Variants in SDK1 observed in about 807,000 individuals in gnomAD.
SDK1 encodes sidekick cell adhesion molecule 1, also known as protein sidekick-1.
A neutral mutation model predicts 245.5 loss-of-function variants in SDK1; 157 were observed. That is an observed-to-expected ratio of 0.64 (90% CI 0.56 to 0.73). The LOEUF (loss-of-function observed/expected upper bound fraction) is 0.73. Ranked by LOEUF, SDK1 falls within the 30% of genes least tolerant of loss-of-function variation. The pLI is 0.00. For synonymous variants in SDK1, 1,647 were observed against 1,278.5 expected (o/e 1.29, Z -6.15); for missense variants, 3,583 against 3,002.3 (o/e 1.19, Z -4.52).
intron 1 of SDK1, among the ~76,000 whole-genome samples, chr7:3,471,959 C>G (rs2128598755): frequency 6.6e-6 from 1 of 152,256 alleles, no homozygotes; most frequent in East Asian, 1.9e-4. Flanking sequence ...TTGTTCCTAA[C>G]CATAGTCACT....
At chr7:3,657,400 C>A (rs1783219518) in intron 4 of SDK1, among the ~76,000 whole-genome samples, 1 of 152,124 alleles carries the variant, frequency 6.6e-6, no homozygotes, top group African/African-American at 2.4e-5. Flanking sequence ...GCACAGCACA[C>A]CCTGCCGAGT....
At chr7:3,812,734 T>A (rs1351300477) in intron 4 of SDK1, among the ~76,000 whole-genome samples, 2 of 152,198 alleles carry the variant, frequency 1.3e-5, no homozygotes, top group Non-Finnish European at 1.5e-5. Flanking sequence ...TAACTTACCC[T>A]TTCCTGAAGA....
chr7:3,890,115 A>G (rs1206916896), intron 5 of SDK1, among the ~76,000 whole-genome samples: 2 of 152,214 alleles, frequency 1.3e-5, no homozygotes, highest in Admixed American at 1.3e-4. Context: ...ACATGGCCCT[A>G]GCTCAGAGTC....
intron 17 of SDK1, among the ~76,000 whole-genome samples, chr7:4,032,596 T>A (rs933158591): frequency 2.0e-5 from 3 of 146,554 alleles, no homozygotes; most frequent in African/African-American, 8.2e-5. Context: ...ATCTGGAAAC[T>A]ACTATGAGCA....
chr7:4,023,272 A>G (rs1042472424), intron 17 of SDK1, among the ~76,000 whole-genome samples: 2 of 152,044 alleles, frequency 1.3e-5, no homozygotes, highest in African/African-American at 4.8e-5. Context: ...GGCCAATCCC[A>G]TTTAATAGAT....
At chr7:3,670,663 C>T (rs1783671589) in intron 4 of SDK1, among the ~76,000 whole-genome samples, 1 of 152,172 alleles carries the variant, frequency 6.6e-6, no homozygotes, top group African/African-American at 2.4e-5. Flanking sequence ...CTTCTTGTCT[C>T]TGGGAATTCT....
rs577656446 is a variant in SDK1 at position 4,060,425 on chromosome 7, T to G, written c.2912-7413T>G. On this transcript the variant is annotated intron_variant, in intron 19 of 44. Coordinates refer to ENST00000404826, the MANE Select transcript of SDK1 (RefSeq NM_152744.4). ...AAAAACAATACATGTGTTTTTTGGC[T>G]GCATAAATGTCTTCTTTTGAGAAGT... 2.6e-5 allele frequency among the ~76,000 whole-genome samples: 4 copies of G among 152,354 alleles called. No homozygotes were observed. In the South Asian group the frequency reaches 8.3e-4, roughly 32 times the overall value.
intron 22 of SDK1, among the ~76,000 whole-genome samples, chr7:4,085,390 T>C (rs1781363923): frequency 6.6e-6 from 1 of 152,252 alleles, no homozygotes; most frequent in South Asian, 2.1e-4. Flanking sequence ...ATATTTAGTT[T>C]ATACTTACAG....
chr7:4,174,187 C>T (rs756311500), intron 32 of SDK1, 35 bp from the exon 33 acceptor site: 2 of 1,611,980 alleles, frequency 1.2e-6, no homozygotes, highest in South Asian at 1.1e-5. Flanking sequence ...GGTTGACTCC[C>T]ATGGTGTGGC....
intron 40 of SDK1, among the ~76,000 whole-genome samples, chr7:4,223,740 C>T (rs1432210888): frequency 3.3e-5 from 5 of 152,154 alleles, no homozygotes; most frequent in South Asian, 2.1e-4. Context: ...CGGACTTCAA[C>T]GTATGAATTT....
intron 1 of SDK1, among the ~76,000 whole-genome samples, chr7:3,546,114 G>C (rs906310891): frequency 1.3e-5 from 2 of 152,226 alleles, no homozygotes; most frequent in African/African-American, 4.8e-5. Context: ...AGGGTTGCCT[G>C]GAGGGCTTGC....
intron 1 of SDK1, among the ~76,000 whole-genome samples, chr7:3,376,254 TTAATTTATTA>T (rs1258318980): frequency 6.6e-6 from 1 of 152,170 alleles, no homozygotes; most frequent in African/African-American, 2.4e-5. Context: ...AATGGAACCG[TTAATTTATTA>T]TAAGCCTGAA....
In SDK1 at chr7:4,268,704, C is replaced by G; in HGVS notation, c.*3320C>G. 1.5e-6 allele frequency: 2 copies of G among 1,367,894 alleles called. No individual in the cohort carries two copies. Among genetic ancestry groups the G allele is most frequent in the South Asian group, 2.3e-5 (2 of 88,054 alleles). 84.7% of individuals were successfully genotyped at this position (1,367,894 alleles called of 1,614,324 possible). On this transcript the variant is annotated 3_prime_UTR_variant, in exon 45 of 45. Transcript: ENST00000404826. ...GTAGCTATCCTCCTGACGAGCAACCCGTCTGCGTACCTAAGTGTGGCTCCC... is the reference window on the plus strand; with the variant it reads ...GTAGCTATCCTCCTGACGAGCAACCGGTCTGCGTACCTAAGTGTGGCTCCC...
At chr7:4,048,523 G>A (rs376842815) in intron 17 of SDK1, among the ~76,000 whole-genome samples, 1 of 141,736 alleles carries the variant, frequency 7.1e-6, no homozygotes, top group African/African-American at 2.7e-5. Flanking sequence ...ACCCATCCTC[G>A]CCAGGCTCCT....
At chr7:4,144,437 T>A (rs1779810429) in intron 28 of SDK1, among the ~76,000 whole-genome samples, 1 of 146,094 alleles carries the variant, frequency 6.8e-6, no homozygotes, top group Non-Finnish European at 1.5e-5. Context: ...TGTGTCCCTG[T>A]CTGTGTGGCG....
chr7:3,853,914 G>T (rs372225472), intron 5 of SDK1, among the ~76,000 whole-genome samples: 1 of 152,060 alleles, frequency 6.6e-6, no homozygotes, highest in East Asian at 1.9e-4. Flanking sequence ...GCTTGAACTC[G>T]AGAGGCAAAT....
intron 35 of SDK1, among the ~76,000 whole-genome samples, chr7:4,196,726 G>A (rs2128224441): frequency 6.6e-6 from 1 of 152,342 alleles, no homozygotes; most frequent in South Asian, 2.1e-4. Context: ...CCCGTGGCCT[G>A]CTCTAGACCA....
At chr7:3,934,918 C>G (rs1016710183) in intron 5 of SDK1, among the ~76,000 whole-genome samples, 2 of 152,188 alleles carry the variant, frequency 1.3e-5, no homozygotes, top group Non-Finnish European at 2.9e-5. Context: ...GGTTCAGCCC[C>G]GAGGCAACCC....
chr7:3,442,876 T>C (rs554966322), intron 1 of SDK1, among the ~76,000 whole-genome samples: 2 of 152,340 alleles, frequency 1.3e-5, no homozygotes, highest in Admixed American at 1.3e-4. Flanking sequence ...TTCTGTCTCT[T>C]CCATTCCCTC....
Sources: allele counts gnomAD v4.1 joint callset (sites outside exome capture counted in the v4.1 genomes callset), GRCh38; gene constraint gnomAD v4.1.1; transcripts MANE v1.5; gene names NCBI Gene and HGNC (gene_info 2026-07-23, HGNC 2026-07-21).